Variants in ARL15 observed in about 807,000 individuals in gnomAD.
The protein encoded by ARL15 is ARF like GTPase 15, also known as ADP-ribosylation factor-like protein 15.
In ARL15, 19 loss-of-function variants were observed where a neutral mutation model predicts 25.2. The ratio of observed to expected loss-of-function variants is 0.75; its 90% CI spans 0.53 to 1.10. The LOEUF (loss-of-function observed/expected upper bound fraction) is 1.10. ARL15 is among the 50% of genes least tolerant of loss of function. ARL15 has a pLI of 0.00. For missense variants in ARL15, 220 were observed against 246.0 expected, an observed-to-expected ratio of 0.89 and a Z score of 0.71; for synonymous variants, 94 against 86.8, an observed-to-expected ratio of 1.08 and a Z score of -0.46.
At chr5:54,067,919 ATAG>A (rs1241578699) in intron 4 of ARL15, among the ~76,000 whole-genome samples, 6 of 152,180 alleles carry the variant, frequency 3.9e-5, no homozygotes, top group African/African-American at 1.4e-4. Context: ...GTAAGTTTTT[ATAG>A]CATGTCACAC....
chr5:53,913,870 AT>A lies in ARL15; in HGVS notation c.463-27158del, dbSNP rs376551431. Among the ~76,000 whole-genome samples, 270 of 152,268 alleles carry A rather than the reference AT, an allele frequency of 1.8e-3. 1 individual carries two copies. Among genetic ancestry groups the A allele is most frequent in the African/African-American group, 6.1e-3 (254 of 41,544 alleles). ...ACTCTAATGGTATTTAACCTGTATC[AT>A]TGCAAGTATTCACGCTATCTTGAAG... On this transcript the variant is annotated intron_variant, in intron 4 of 4. Transcript: ENST00000504924.
intron 4 of ARL15, among the ~76,000 whole-genome samples, chr5:53,902,180 T>C (rs1310397999): frequency 6.6e-6 from 1 of 152,210 alleles, no homozygotes; most frequent in Non-Finnish European, 1.5e-5. Flanking sequence ...ACACCTCACA[T>C]TCAACTTTTT....
At chr5:54,130,750 T>A (rs1322812999) in intron 3 of ARL15, among the ~76,000 whole-genome samples, 1 of 152,084 alleles carries the variant, frequency 6.6e-6, no homozygotes, top group East Asian at 1.9e-4. Context: ...TAGCCAAAAC[T>A]TAGGTAGAAA....
chr5:54,252,939 G>T (rs1242922477), intron 1 of ARL15, among the ~76,000 whole-genome samples: 1 of 151,934 alleles, frequency 6.6e-6, no homozygotes, highest in Non-Finnish European at 1.5e-5. Context: ...TGCCCAGGCT[G>T]GTCACAAACT....
At chr5:54,024,598 C>T (rs912107676) in intron 4 of ARL15, among the ~76,000 whole-genome samples, 2 of 152,130 alleles carry the variant, frequency 1.3e-5, no homozygotes, top group African/African-American at 4.8e-5. Context: ...GATTCCTAAG[C>T]AAGCCTATGA....
intron 4 of ARL15, among the ~76,000 whole-genome samples, chr5:54,062,062 G>GC (rs1197245230): frequency 6.6e-6 from 1 of 152,172 alleles, no homozygotes; most frequent in African/African-American, 2.4e-5. Context: ...AGATTTGACT[G>GC]CCCCACTGGA....
chr5:54,134,934 T>C (rs1753557737), intron 3 of ARL15, among the ~76,000 whole-genome samples: 1 of 152,178 alleles, frequency 6.6e-6, no homozygotes. Flanking sequence ...AGCCTGAGAT[T>C]AGCACAGAGT....
At chr5:54,134,495 C>T (rs1001699646) in intron 3 of ARL15, among the ~76,000 whole-genome samples, 3 of 149,632 alleles carry the variant, frequency 2.0e-5, no homozygotes, top group Non-Finnish European at 4.4e-5. Flanking sequence ...GCAATTATCA[C>T]ACTCCATTAC....
At chr5:54,075,184 G>A (rs1751557558) in intron 4 of ARL15, among the ~76,000 whole-genome samples, 1 of 150,948 alleles carries the variant, frequency 6.6e-6, no homozygotes, top group Non-Finnish European at 1.5e-5. Context: ...AATTTAGATG[G>A]TTAAATGAAT....
At chr5:53,899,636 A>G (rs1229926487) in intron 4 of ARL15, among the ~76,000 whole-genome samples, 2 of 151,976 alleles carry the variant, frequency 1.3e-5, no homozygotes, top group African/African-American at 4.8e-5. Flanking sequence ...TTATGTTTCA[A>G]TTTCTAGCTT....
intron 4 of ARL15, among the ~76,000 whole-genome samples, chr5:53,954,309 C>T (rs1172451806): frequency 1.3e-5 from 2 of 152,174 alleles, no homozygotes; most frequent in Admixed American, 6.5e-5. Context: ...CTGCAAATAC[C>T]TTCCTCTGTC....
intron 1 of ARL15, among the ~76,000 whole-genome samples, chr5:54,230,381 AAAAG>A (rs1185531578): frequency 6.6e-6 from 1 of 151,768 alleles, no homozygotes; most frequent in African/African-American, 2.4e-5. Flanking sequence ...AAGAAAAAGA[AAAAG>A]AAAGAATGAA....
intron 1 of ARL15, among the ~76,000 whole-genome samples, chr5:54,213,093 TGGAG>T (rs1756089529): frequency 1.3e-5 from 2 of 152,204 alleles, no homozygotes; most frequent in Admixed American, 1.3e-4. Flanking sequence ...ATCACAAATG[TGGAG>T]GATTCCCAGG....
At chr5:54,198,877 C>T (rs1029937814) in intron 1 of ARL15, among the ~76,000 whole-genome samples, 52 of 152,192 alleles carry the variant, frequency 3.4e-4, no homozygotes, top group African/African-American at 1.1e-3. Flanking sequence ...GGAGGCATCA[C>T]GCTATCTGAC....
chr5:54,055,414 G>T (rs1750837406), intron 4 of ARL15, among the ~76,000 whole-genome samples: 1 of 133,358 alleles, frequency 7.5e-6, no homozygotes, highest in African/African-American at 2.9e-5. Flanking sequence ...AGGCTGGAGT[G>T]CTGTGGCGTG....
At chr5:54,003,638 A>G (rs909115415) in intron 4 of ARL15, among the ~76,000 whole-genome samples, 2 of 151,652 alleles carry the variant, frequency 1.3e-5, no homozygotes, top group African/African-American at 4.8e-5. Flanking sequence ...GGAATGTCAG[A>G]ATGTCAGTCA....
chr5:54,277,340 A>G (rs1757952721), intron 1 of ARL15, among the ~76,000 whole-genome samples: 1 of 152,166 alleles, frequency 6.6e-6, no homozygotes, highest in Non-Finnish European at 1.5e-5. Flanking sequence ...GTAACTAGAT[A>G]AAAGGATGAT....
chr5:54,073,862 A>G (rs984842713), intron 4 of ARL15, among the ~76,000 whole-genome samples: 1 of 151,930 alleles, frequency 6.6e-6, no homozygotes, highest in African/African-American at 2.4e-5. Flanking sequence ...TAAGCACAAA[A>G]CTCCTCTTGA....
chr5:54,089,017 A>G (rs1264146905), intron 4 of ARL15, among the ~76,000 whole-genome samples: 1 of 152,192 alleles, frequency 6.6e-6, no homozygotes, highest in Non-Finnish European at 1.5e-5. Context: ...TCGCATATGA[A>G]TGATTACTTG....
Sources: allele counts gnomAD v4.1 joint callset (sites outside exome capture counted in the v4.1 genomes callset), GRCh38; gene constraint gnomAD v4.1.1; transcripts MANE v1.5; gene names NCBI Gene and HGNC (gene_info 2026-07-23, HGNC 2026-07-21).